ANKRD12: variants seen among roughly 807,000 people sequenced by gnomAD.
The protein encoded by ANKRD12 is ankyrin repeat domain-containing protein 12.
A neutral mutation model predicts 183.4 loss-of-function variants in ANKRD12; 85 were observed. The observed-to-expected ratio is 0.46, with a 90% CI of 0.39 to 0.56. The LOEUF is 0.56. ANKRD12 is among the 20% of genes least tolerant of loss of function. ANKRD12 has a pLI of 0.00. For synonymous variants in ANKRD12, 914 were observed against 800.2 expected, an observed-to-expected ratio of 1.14 and a Z score of -2.40; for missense variants, 2,405 against 2,357.1, an observed-to-expected ratio of 1.02 and a Z score of -0.42.
At chr18:9,168,924 T>C (rs569204894) in intron 1 of ANKRD12, among the ~76,000 whole-genome samples, 167 of 152,336 alleles carry the variant, frequency 1.1e-3, no homozygotes, top group Non-Finnish European at 1.8e-3. Context: ...GTTGTGTCTT[T>C]GTTCTCGTTG....
intron 10 of ANKRD12, among the ~76,000 whole-genome samples, chr18:9,270,563 A>G (rs913668364): frequency 6.6e-6 from 1 of 152,202 alleles, no homozygotes; most frequent in African/African-American, 2.4e-5. Flanking sequence ...GGAATTGAAC[A>G]ATGAGAACAC....
At chr18:9,252,318 A>G (rs950257453) in intron 8 of ANKRD12, among the ~76,000 whole-genome samples, 1 of 152,170 alleles carries the variant, frequency 6.6e-6, no homozygotes, top group Non-Finnish European at 1.5e-5. Flanking sequence ...GCTGAGGCCC[A>G]CAGGCTGGCC....
At chr18:9,240,208 T>G (rs72939220) in intron 8 of ANKRD12, among the ~76,000 whole-genome samples, 11,244 of 152,236 alleles carry the variant, frequency 0.074, 423 homozygotes, top group African/African-American at 0.083. Context: ...TATCAGACAT[T>G]TATGATATTG....
At chr18:9,207,864 C>G (rs903786672) in intron 4 of ANKRD12, among the ~76,000 whole-genome samples, 2 of 152,128 alleles carry the variant, frequency 1.3e-5, no homozygotes, top group Non-Finnish European at 1.5e-5. Flanking sequence ...AGAAGTCTTA[C>G]AGAAAAGACA....
intron 3 of ANKRD12, among the ~76,000 whole-genome samples, chr18:9,198,441 A>C (rs1206823710): frequency 2.0e-5 from 3 of 152,216 alleles, no homozygotes; most frequent in Admixed American, 2.0e-4. Flanking sequence ...AATTTGCTTT[A>C]GTGGGTCTAA....
At chr18:9,193,135 ATTTT>A (rs397751904) in intron 2 of ANKRD12, among the ~76,000 whole-genome samples, 1 of 128,430 alleles carries the variant, frequency 7.8e-6, no homozygotes. Context: ...TGAGTACAGC[ATTTT>A]TTTTTTTTTT....
In ANKRD12 at chr18:9,182,532, A is replaced by G. The variant is rs1330148795; in HGVS notation, c.87+13A>G. ...ATATGGAAGAAAGGTATATGATTAT[A>G]CTAAAGATTTGTTGACTTTTTGAAC... On this transcript the variant is annotated intron_variant, in intron 2 of 12. Transcript: ENST00000262126. 6.6e-7 allele frequency: 1 copy of G among 1,514,228 alleles called. No individual in the cohort carries two copies. 93.8% of individuals were successfully genotyped at this position (1,514,228 alleles called of 1,614,324 possible).
intron 8 of ANKRD12, among the ~76,000 whole-genome samples, chr18:9,248,930 C>T (rs946385634): frequency 1.3e-5 from 2 of 152,182 alleles, no homozygotes; most frequent in Admixed American, 6.5e-5. Flanking sequence ...TAGTTGCCAT[C>T]TGGGTACTAC....
chr18:9,230,590 A>G (rs1341888294), intron 8 of ANKRD12, among the ~76,000 whole-genome samples: 1 of 130,136 alleles, frequency 7.7e-6, no homozygotes, highest in Non-Finnish European at 1.7e-5. Flanking sequence ...ATTGCTATAA[A>G]CCTCTTTTTT....
intron 8 of ANKRD12, among the ~76,000 whole-genome samples, chr18:9,229,143 G>A (rs1365658677): frequency 2.0e-5 from 3 of 152,130 alleles, no homozygotes; most frequent in East Asian, 3.9e-4. Context: ...TTATTTCTGG[G>A]TTCTCTGTTC....
intron 5 of ANKRD12, among the ~76,000 whole-genome samples, chr18:9,209,164 A>G (rs544697897): frequency 6.6e-6 from 1 of 152,202 alleles, no homozygotes; most frequent in Non-Finnish European, 1.5e-5. Context: ...TTATTTATAT[A>G]CTGTGTTCTC....
chr18:9,235,676 G>A lies in ANKRD12; in HGVS notation c.943+13677G>A, dbSNP rs73394154. The A allele has an allele frequency of 5.8e-3, 2,647 of 456,192 alleles. 61 individuals are homozygous for A. Among genetic ancestry groups the A allele is most frequent in the African/African-American group, 0.047 (2,346 of 50,146 alleles). The allele number at this position is 456,192 out of a possible 1,614,324, so 28.3% of individuals were successfully genotyped here. ...ATTTGCAGGAAATGCCAAGCTCAGC[G>A]GAGCAAGTTGAACTATACCAAGTGT... On this transcript the variant is annotated intron_variant, in intron 8 of 12. Transcript: ENST00000262126.
rs1193853423 is a variant in ANKRD12, at chr18:9,206,852, A to G, written c.305-1805A>G. Among the ~76,000 whole-genome samples the G allele has an allele frequency of 2.0e-5, 3 of 151,526 alleles. No homozygotes were observed. In the South Asian group the frequency reaches 6.2e-4, roughly 31 times the overall value. On this transcript the variant is annotated intron_variant, in intron 4 of 12. Transcript: ENST00000262126. The stretch of plus-strand genomic sequence containing the variant: ...TAAAACCTTGTGTTAAAATGCAGTC[A>G]AAACAAAAAAGGCAGTTGTTTTACA...
At chr18:9,231,384 G>C (rs2037036106) in intron 8 of ANKRD12, among the ~76,000 whole-genome samples, 1 of 151,996 alleles carries the variant, frequency 6.6e-6, no homozygotes, top group South Asian at 2.1e-4. Context: ...GTCTTCCTTT[G>C]TATCTAGGAG....
At chr18:9,190,662 C>T (rs184904925) in intron 2 of ANKRD12, among the ~76,000 whole-genome samples, 1 of 152,296 alleles carries the variant, frequency 6.6e-6, no homozygotes, top group East Asian at 1.9e-4. Flanking sequence ...TTGTCCTGAT[C>T]AGCAAACAGC....
At chr18:9,144,406 C>G (rs1427120381) in intron 1 of ANKRD12, among the ~76,000 whole-genome samples, 1 of 152,150 alleles carries the variant, frequency 6.6e-6, no homozygotes, top group Non-Finnish European at 1.5e-5. Context: ...GTACTACTAC[C>G]TTATTGGGGT....
At chr18:9,239,446 T>A (rs1567952755) in intron 8 of ANKRD12, 4 of 1,026,530 alleles carry the variant, frequency 3.9e-6, no homozygotes, top group Non-Finnish European at 4.0e-6. Context: ...GATTGTTTCA[T>A]GTGTTCATCA....
Position 9,159,746 on chromosome 18 carries a change from A to G in ANKRD12, c.-51-22636A>G, listed in dbSNP as rs151244967. Among the ~76,000 whole-genome samples, 117 of 151,448 alleles carry G rather than the reference A, an allele frequency of 7.7e-4. 1 individual carries two copies. Among genetic ancestry groups the G allele is most frequent in the African/African-American group, 2.6e-3 (108 of 41,332 alleles). On this transcript the variant is annotated intron_variant, in intron 1 of 12. Transcript: ENST00000262126. ...GAGCCACTGCGCCTGGCCCTTCACCATCCATTTATTAATATTTAATTGTTC... is the reference window on the plus strand; with the variant it reads ...GAGCCACTGCGCCTGGCCCTTCACCGTCCATTTATTAATATTTAATTGTTC...
intron 1 of ANKRD12, among the ~76,000 whole-genome samples, chr18:9,140,393 T>G (rs557996044): frequency 1.3e-5 from 2 of 152,332 alleles, no homozygotes; most frequent in South Asian, 4.1e-4. Flanking sequence ...CACTTAGTTC[T>G]AACCTTAGTT....
Sources: allele counts gnomAD v4.1 joint callset (sites outside exome capture counted in the v4.1 genomes callset), GRCh38; gene constraint gnomAD v4.1.1; transcripts MANE v1.5; gene names NCBI Gene and HGNC (gene_info 2026-07-23, HGNC 2026-07-21).